The following HMGCLL1 variants were observed in gnomAD, a reference collection of about 807,000 sequenced individuals.
The protein encoded by HMGCLL1 is 3-hydroxy-3-methylglutaryl-CoA lyase like 1.
HMGCLL1 carries 36 observed loss-of-function variants against 39.1 expected under a neutral mutation model. The ratio of observed to expected loss-of-function variants is 0.92; its 90% CI spans 0.71 to 1.22. HMGCLL1 has a LOEUF of 1.22. HMGCLL1 is among the 50% of genes most tolerant of loss of function. The pLI, the probability that HMGCLL1 is intolerant of heterozygous loss-of-function variation, is 0.00. For missense variants in HMGCLL1, 451 were observed against 416.5 expected (o/e 1.08, Z -0.72); for synonymous variants, 149 against 144.0 (o/e 1.03, Z -0.25).
intron 1 of HMGCLL1, among the ~76,000 whole-genome samples, chr6:55,577,839 G>T (rs1326035068): frequency 6.6e-6 from 1 of 152,166 alleles, no homozygotes; most frequent in Non-Finnish European, 1.5e-5. Context: ...GGAAGATAAA[G>T]GATAACTTTT....
chr6:55,660,446 C>T, the HMGCLL1 span, among the ~76,000 whole-genome samples: 1 of 151,958 alleles, frequency 6.6e-6, no homozygotes, highest in South Asian at 2.1e-4. Flanking sequence ...TTAGCTCCCA[C>T]TTATAAATGA....
At chr6:55,626,019 G>C in the HMGCLL1 span, among the ~76,000 whole-genome samples, 1 of 152,142 alleles carries the variant, frequency 6.6e-6, no homozygotes, top group Non-Finnish European at 1.5e-5. Context: ...ACTCAGTAAT[G>C]TGGGCTTCCA....
chr6:55,495,918 G>A (rs989846163), intron 6 of HMGCLL1, among the ~76,000 whole-genome samples: 8 of 152,034 alleles, frequency 5.3e-5, no homozygotes, highest in African/African-American at 1.4e-4. Flanking sequence ...TATGGGAGGC[G>A]TATGTTTCTC....
intron 1 of HMGCLL1, among the ~76,000 whole-genome samples, chr6:55,570,380 G>C (rs953156386): frequency 2.6e-5 from 4 of 152,176 alleles, no homozygotes; most frequent in African/African-American, 4.8e-5. Flanking sequence ...CTCTCAAGGA[G>C]AGCCTGCTTA....
At chr6:55,457,921 A>C (rs73447003) in intron 7 of HMGCLL1, among the ~76,000 whole-genome samples, 12,263 of 152,160 alleles carry the variant, frequency 0.081, 554 homozygotes, top group African/African-American at 0.12. Context: ...TGCACTTTGT[A>C]AGCTAGACAT....
At chr6:55,450,474 A>G (rs1425764968) in intron 7 of HMGCLL1, among the ~76,000 whole-genome samples, 1 of 152,260 alleles carries the variant, frequency 6.6e-6, no homozygotes, top group Non-Finnish European at 1.5e-5. Flanking sequence ...AATAGTACCA[A>G]TTAACAGGCT....
intron 1 of HMGCLL1, chr6:55,576,986 A>G: frequency 2.0e-6 from 3 of 1,537,868 alleles, no homozygotes; most frequent in Non-Finnish European, 2.7e-6. Context: ...AAACACTGGT[A>G]CACAAACAGT....
the HMGCLL1 span, among the ~76,000 whole-genome samples, chr6:55,658,494 G>A: frequency 7.2e-5 from 11 of 151,960 alleles, no homozygotes; most frequent in Non-Finnish European, 1.6e-4. Flanking sequence ...CTTGGGCACA[G>A]AATTAGAGTC....
At chr6:55,439,370 A>G in intron 8 of HMGCLL1, 64 bp downstream of exon 8, 5 of 1,519,052 alleles carry the variant, frequency 3.3e-6, no homozygotes, top group Middle Eastern at 1.8e-4. Flanking sequence ...CCCACATCTT[A>G]GAAGCTTTGC....
intron 1 of HMGCLL1, among the ~76,000 whole-genome samples, chr6:55,576,732 G>A (rs1378273542): frequency 6.6e-6 from 1 of 152,046 alleles, no homozygotes; most frequent in African/African-American, 2.4e-5. Flanking sequence ...TGATACTTTG[G>A]GTGTGAGGGA....
At chr6:55,508,744 T>A (rs1255650331) in intron 5 of HMGCLL1, among the ~76,000 whole-genome samples, 1 of 151,896 alleles carries the variant, frequency 6.6e-6, no homozygotes, top group Non-Finnish European at 1.5e-5. Flanking sequence ...TAAGTGACTG[T>A]ATGGACTATA....
the HMGCLL1 span, among the ~76,000 whole-genome samples, chr6:55,603,855 C>T: frequency 6.6e-5 from 10 of 152,038 alleles, no homozygotes; most frequent in African/African-American, 2.4e-4. Flanking sequence ...CTTTACTTTT[C>T]CTTATGAGGG....
At chr6:55,535,112 A>G (rs1379152640) in intron 3 of HMGCLL1, among the ~76,000 whole-genome samples, 1 of 152,204 alleles carries the variant, frequency 6.6e-6, no homozygotes, top group African/African-American at 2.4e-5. Context: ...AATTTCAATG[A>G]CCATTTGAGA....
chr6:55,562,298 G>T (rs191668397), intron 1 of HMGCLL1, among the ~76,000 whole-genome samples: 1 of 152,062 alleles, frequency 6.6e-6, no homozygotes, highest in Non-Finnish European at 1.5e-5. Context: ...AGTGTGTTGG[G>T]ATAATTTAGT....
chr6:55,632,408 G>T, the HMGCLL1 span, among the ~76,000 whole-genome samples: 2 of 150,040 alleles, frequency 1.3e-5, no homozygotes, highest in Non-Finnish European at 3.0e-5. Flanking sequence ...ATATTATATA[G>T]ATAATTTCTT....
At chr6:55,438,315 T>C (rs114139625) in intron 8 of HMGCLL1, among the ~76,000 whole-genome samples, 3,520 of 152,202 alleles carry the variant, frequency 0.023, 56 homozygotes, top group African/African-American at 0.03. Context: ...AGTCTTTCAA[T>C]AAATATTTAT....
Position 55,460,502 on chromosome 6 carries a change from G to GT in HMGCLL1, c.796-20944dup, listed in dbSNP as rs1446231165. Among the ~76,000 whole-genome samples the GT allele has an allele frequency of 3.3e-5, 5 of 151,764 alleles. No individual in the cohort carries two copies. The East Asian group carries it at 9.7e-4, about 29-fold the overall frequency. The stretch of plus-strand genomic sequence containing the variant: ...CTTTATAAACATTATAACAAAAAGC[G>GT]TATGTTTATTATGCAAGAAATCTTC... On this transcript the variant is annotated intron_variant, in intron 7 of 8. Transcript: ENST00000274901.
chr6:55,543,038 A>G (rs1163732732), intron 1 of HMGCLL1, among the ~76,000 whole-genome samples: 1 of 112,080 alleles, frequency 8.9e-6, no homozygotes, highest in African/African-American at 3.6e-5. Flanking sequence ...ATAATACATC[A>G]TATATAATAT....
At chr6:55,549,340 A>G (rs879678794) in intron 1 of HMGCLL1, among the ~76,000 whole-genome samples, 1 of 151,008 alleles carries the variant, frequency 6.6e-6, no homozygotes, top group Non-Finnish European at 1.5e-5. Context: ...TTTGAAAACT[A>G]CGAAAATTGT....
Sources: gnomAD v4.1 joint callset for allele counts (sites outside exome capture counted in the v4.1 genomes callset) on GRCh38, gnomAD v4.1.1 for gene constraint, MANE v1.5 for transcripts, NCBI Gene and HGNC (gene_info 2026-07-23, HGNC 2026-07-21) for gene names.